The following ACACA variants were observed in gnomAD, a reference collection of about 807,000 sequenced individuals.
The protein encoded by ACACA is acetyl-CoA carboxylase 1.
Under a neutral mutation model 296.1 loss-of-function variants are expected in ACACA, and 103 were observed. The observed-to-expected ratio is 0.35, with a 90% CI of 0.30 to 0.41. The LOEUF (loss-of-function observed/expected upper bound fraction) is 0.41, where lower values mean the gene tolerates loss of function less well. Ranked by LOEUF, ACACA falls within the 10% of genes least tolerant of loss-of-function variation. The pLI is 1.00. For missense variants in ACACA, 1,554 were observed against 2,989.7 expected (o/e 0.52, Z 11.20); for synonymous variants, 953 against 1,038.6 (o/e 0.92, Z 1.58).
chr17:37,259,970 C>T lies in ACACA; in HGVS notation c.1330-440G>A, dbSNP rs192374670. ...TCTCGTGGCTCACTGCAAACTCTGC[C>T]TCCCGGGTTCAAGTGATTCTCCTGC... On this transcript the variant is annotated intron_variant, in intron 11 of 55. Coordinates refer to ENST00000616317, the MANE Select transcript of ACACA (RefSeq NM_198834.3). Among the ~76,000 whole-genome samples the T allele has an allele frequency of 1.3e-4, 19 of 150,828 alleles. No individual in the cohort carries two copies. The East Asian group carries it at 3.5e-3, about 28-fold the overall frequency.
intron 1 of ACACA, chr17:37,379,333 C>T: frequency 6.2e-7 from 1 of 1,613,970 alleles, no homozygotes; most frequent in Non-Finnish European, 8.5e-7. Flanking sequence ...CAAGCTGTCA[C>T]CTAATCCCCA....
chr17:37,356,668 G>A (rs768467641), intron 1 of ACACA, among the ~76,000 whole-genome samples: 4 of 152,068 alleles, frequency 2.6e-5, no homozygotes, highest in Non-Finnish European at 2.9e-5. Context: ...GTGAGCCACC[G>A]CGCCCGGCAG....
At chr17:37,320,328 T>C (rs2047292795) in intron 3 of ACACA, among the ~76,000 whole-genome samples, 1 of 150,978 alleles carries the variant, frequency 6.6e-6, no homozygotes, top group South Asian at 2.1e-4. Context: ...CTGGCCAACA[T>C]GGCGAAACCC....
intron 41 of ACACA, chr17:37,162,717 C>G: frequency 4.3e-6 from 1 of 232,912 alleles, no homozygotes; most frequent in Non-Finnish European, 8.2e-6. Context: ...GAATCTTGCA[C>G]CTAATCATGT....
At chr17:37,218,550 A>C (rs532810032) in intron 29 of ACACA, among the ~76,000 whole-genome samples, 1 of 152,350 alleles carries the variant, frequency 6.6e-6, no homozygotes, top group South Asian at 2.1e-4. Flanking sequence ...TGTTCATCAG[A>C]GTTCAGAGGA....
intron 38 of ACACA, among the ~76,000 whole-genome samples, chr17:37,190,668 C>T (rs185039294): frequency 1.3e-5 from 2 of 152,254 alleles, no homozygotes; most frequent in African/African-American, 2.4e-5. Flanking sequence ...AGGTTAGACA[C>T]TTTGAGAAGG....
At chr17:37,168,963 A>G (rs775104924) in intron 41 of ACACA, among the ~76,000 whole-genome samples, 3 of 152,244 alleles carry the variant, frequency 2.0e-5, no homozygotes, top group Non-Finnish European at 4.4e-5. Flanking sequence ...TATTACAAAC[A>G]TGTACTAAAA....
chr17:37,371,845 A>G (rs2049817378), intron 1 of ACACA, among the ~76,000 whole-genome samples: 1 of 152,058 alleles, frequency 6.6e-6, no homozygotes, highest in Non-Finnish European at 1.5e-5. Context: ...GGTTGCAGTG[A>G]GCTGAGATCA....
At chr17:37,309,218 G>T (rs1047748722) in intron 3 of ACACA, among the ~76,000 whole-genome samples, 2 of 152,050 alleles carry the variant, frequency 1.3e-5, no homozygotes, top group South Asian at 2.1e-4. Context: ...TAGAGTATAG[G>T]TCTCTCTATG....
intron 50 of ACACA, among the ~76,000 whole-genome samples, chr17:37,117,252 C>A (rs77128541): frequency 0.016 from 2,414 of 152,332 alleles, 66 homozygotes; most frequent in African/African-American, 0.053. Context: ...TAGCCATACA[C>A]AAGCTACATA....
intron 42 of ACACA, 45 bp from the exon 43 acceptor site, chr17:37,155,825 T>C (rs772720660): frequency 7.8e-7 from 1 of 1,284,056 alleles, no homozygotes; most frequent in South Asian, 1.2e-5. Flanking sequence ...GCCATTGTCA[T>C]ATAATCAGAA....
chr17:37,275,508 A>AAG (rs1555625714), intron 8 of ACACA, among the ~76,000 whole-genome samples: 2 of 150,874 alleles, frequency 1.3e-5, no homozygotes, highest in African/African-American at 4.9e-5. Flanking sequence ...AAAAAAAAAA[A>AAG]AAAAAGAAAA....
At chr17:37,179,210 T>C (rs1200830439) in intron 41 of ACACA, 50 bp downstream of exon 41, 5 of 1,612,240 alleles carry the variant, frequency 3.1e-6, no homozygotes, top group African/African-American at 1.3e-5. Flanking sequence ...AGAAAGCTGG[T>C]ACTAGTGGGC....
chr17:37,275,798 G>A (rs1242237288), intron 8 of ACACA, among the ~76,000 whole-genome samples, 153 bp downstream of exon 8: 1 of 152,220 alleles, frequency 6.6e-6, no homozygotes, highest in African/African-American at 2.4e-5. Context: ...AATCACAGGT[G>A]TATTAATTAA....
chr17:37,257,945 C>T, intron 13 of ACACA, 79 bp from the exon 14 acceptor site: 1 of 1,534,648 alleles, frequency 6.5e-7, no homozygotes, highest in Non-Finnish European at 9.0e-7. Flanking sequence ...TTTAAGTTCT[C>T]TGTTAATCAC....
At chr17:37,324,816 C>G (rs951601006) in intron 3 of ACACA, among the ~76,000 whole-genome samples, 1 of 77,572 alleles carries the variant, frequency 1.3e-5, no homozygotes, top group East Asian at 4.2e-4. Flanking sequence ...GCCTGGGGAA[C>G]AACAGTGAAA....
chr17:37,318,663 A>C (rs1184355907), intron 3 of ACACA, among the ~76,000 whole-genome samples: 1 of 152,234 alleles, frequency 6.6e-6, no homozygotes, highest in Non-Finnish European at 1.5e-5. Context: ...CATGCAAAAG[A>C]CTTAAAGAGG....
At chr17:37,090,242 C>T (rs1374393605) in intron 54 of ACACA, among the ~76,000 whole-genome samples, 1 of 152,186 alleles carries the variant, frequency 6.6e-6, no homozygotes, top group South Asian at 2.1e-4. Context: ...CTAACTATCT[C>T]GTGCCTTCAA....
intron 41 of ACACA, among the ~76,000 whole-genome samples, chr17:37,167,276 T>C (rs970311123): frequency 6.8e-5 from 10 of 146,892 alleles, no homozygotes; most frequent in African/African-American, 1.5e-4. Flanking sequence ...TTTTCTTTTT[T>C]TTTTTTTTTT....
Sources: gnomAD v4.1 joint callset for allele counts (sites outside exome capture counted in the v4.1 genomes callset) on GRCh38, gnomAD v4.1.1 for gene constraint, MANE v1.5 for transcripts, NCBI Gene and HGNC (gene_info 2026-07-23, HGNC 2026-07-21) for gene names.